The following HERC4 variants were observed in gnomAD, a reference collection of about 807,000 sequenced individuals.
HERC4 encodes probable E3 ubiquitin-protein ligase HERC4.
In HERC4, 28 loss-of-function variants were observed where a neutral mutation model predicts 124.3. The observed-to-expected ratio is 0.23, with a 90% confidence interval of 0.17 to 0.31. The LOEUF is 0.31. Ranked by LOEUF, HERC4 falls within the 10% of genes least tolerant of loss-of-function variation. HERC4 has a pLI of 1.00. For missense variants in HERC4, 713 were observed against 1,229.3 expected (o/e 0.58, Z 6.28); for synonymous variants, 407 against 421.5 (o/e 0.97, Z 0.42).
At chr10:67,951,779 T>C (rs753129307) in intron 19 of HERC4, among the ~76,000 whole-genome samples, 3 of 152,202 alleles carry the variant, frequency 2.0e-5, no homozygotes, top group Non-Finnish European at 4.4e-5. Flanking sequence ...CAACTGACCA[T>C]ATTCCCTGCA....
intron 8 of HERC4, among the ~76,000 whole-genome samples, chr10:68,016,006 G>A (rs969031012): frequency 4.6e-5 from 7 of 152,158 alleles, no homozygotes; most frequent in African/African-American, 1.7e-4. Context: ...AGGAGGCTGA[G>A]GCAGGAGGAT....
intron 8 of HERC4, among the ~76,000 whole-genome samples, chr10:68,015,933 T>C (rs1431887753): frequency 1.3e-5 from 2 of 152,040 alleles, no homozygotes. Flanking sequence ...CAAAACCCTG[T>C]CTCTATTAAA....
intron 9 of HERC4, among the ~76,000 whole-genome samples, chr10:67,995,817 A>T (rs1176659829): frequency 6.6e-6 from 1 of 152,134 alleles, no homozygotes; most frequent in Admixed American, 6.6e-5. Flanking sequence ...TAATTCATTT[A>T]TAGTTTATCT....
At chr10:68,035,298 G>A (rs567038411) in intron 5 of HERC4, among the ~76,000 whole-genome samples, 8 of 151,904 alleles carry the variant, frequency 5.3e-5, no homozygotes, top group Admixed American at 6.6e-5. Context: ...GATTACAGGC[G>A]CGTGCCACCA....
At chr10:68,005,636 G>T (rs2037496662) in intron 9 of HERC4, among the ~76,000 whole-genome samples, 1 of 146,212 alleles carries the variant, frequency 6.8e-6, no homozygotes, top group African/African-American at 2.5e-5. Flanking sequence ...CTTCCTTTTT[G>T]TGAATGTGAC....
At chr10:68,054,991 C>T (rs963238436) in intron 3 of HERC4, among the ~76,000 whole-genome samples, 3 of 152,064 alleles carry the variant, frequency 2.0e-5, no homozygotes, top group Admixed American at 1.3e-4. Flanking sequence ...GGCACGATCT[C>T]GGCTCACTGC....
intron 23 of HERC4, among the ~76,000 whole-genome samples, chr10:67,929,136 G>C (rs1012784160): frequency 1.3e-5 from 2 of 151,910 alleles, no homozygotes; most frequent in Non-Finnish European, 2.9e-5. Flanking sequence ...TTTTGGGAGG[G>C]AGCAGACATG....
chr10:67,972,462 G>A (rs1328507824), intron 15 of HERC4, among the ~76,000 whole-genome samples: 1 of 145,208 alleles, frequency 6.9e-6, no homozygotes, highest in South Asian at 2.2e-4. Context: ...CGGAGGTTGC[G>A]GTGAGCTGAG....
At chr10:67,970,444 T>A (rs1347035688) in intron 15 of HERC4, among the ~76,000 whole-genome samples, 2 of 151,792 alleles carry the variant, frequency 1.3e-5, no homozygotes, top group Admixed American at 1.3e-4. Context: ...ATACAAAAAC[T>A]AGCTGGCCGT....
chr10:68,026,387 T>C (rs933798599), intron 7 of HERC4, among the ~76,000 whole-genome samples: 1 of 148,752 alleles, frequency 6.7e-6, no homozygotes, highest in Non-Finnish European at 1.5e-5. Context: ...TGAGCCACCA[T>C]GCATGGCCTT....
At chr10:68,042,048 GCT>G (rs1425436463) in intron 4 of HERC4, among the ~76,000 whole-genome samples, 3 of 151,784 alleles carry the variant, frequency 2.0e-5, no homozygotes, top group African/African-American at 7.3e-5. Flanking sequence ...ATGGAGTCTC[GCT>G]CTGTCGCTTA....
intron 22 of HERC4, among the ~76,000 whole-genome samples, chr10:67,935,296 C>T (rs1179067964): frequency 6.6e-6 from 1 of 152,008 alleles, no homozygotes. Context: ...CAGGCACATT[C>T]CACCACACCT....
At chr10:67,992,115 T>G (rs1451149002) in intron 11 of HERC4, 84 bp downstream of exon 11, 1 of 1,344,052 alleles carries the variant, frequency 7.4e-7, no homozygotes, top group Non-Finnish European at 1.0e-6. Flanking sequence ...CAGGCTGGTC[T>G]CCAATTCCTG....
rs79362506 is a variant in HERC4 at position 68,020,119 on chromosome 10, C to G, written c.908+5427G>C. Among the ~76,000 whole-genome samples the G allele has an allele frequency of 0.021, 3,256 of 152,242 alleles. 317 individuals are homozygous for G. The East Asian group carries it at 0.31, about 15-fold the overall frequency. On this transcript the variant is annotated intron_variant, in intron 8 of 24. Transcript: ENST00000373700. ...AAAGGTATAGGCTAAGAAAAGACCTCATTTTTATACCTCAGGGTGACTCCT... is the reference window on the plus strand; with the variant it reads ...AAAGGTATAGGCTAAGAAAAGACCTGATTTTTATACCTCAGGGTGACTCCT...
At chr10:68,027,018 AC>A (rs1022479425) in intron 7 of HERC4, among the ~76,000 whole-genome samples, 1 of 152,192 alleles carries the variant, frequency 6.6e-6, no homozygotes, top group Non-Finnish European at 1.5e-5. Flanking sequence ...AAACAAAAAA[AC>A]ATATAATATA....
chr10:67,934,358 T>C (rs1015580592), intron 22 of HERC4, among the ~76,000 whole-genome samples: 1 of 152,230 alleles, frequency 6.6e-6, no homozygotes, highest in African/African-American at 2.4e-5. Context: ...ATCCATTTCC[T>C]CTAGATTCAT....
At chr10:67,936,066 C>A in intron 22 of HERC4, 87 bp downstream of exon 22, 1 of 800,520 alleles carries the variant, frequency 1.2e-6, no homozygotes. Flanking sequence ...GGAGTAAAAG[C>A]TTAGGGTTGT....
At chr10:67,977,951 AG>A (rs996399351) in intron 15 of HERC4, among the ~76,000 whole-genome samples, 4 of 151,674 alleles carry the variant, frequency 2.6e-5, no homozygotes, top group African/African-American at 9.7e-5. Flanking sequence ...ACTGCACTCC[AG>A]CCTGGGCAAT....
chr10:68,066,159 G>C (rs2041293626), intron 3 of HERC4, among the ~76,000 whole-genome samples: 4 of 152,090 alleles, frequency 2.6e-5, no homozygotes, highest in Admixed American at 2.6e-4. Context: ...CCAAGCACTT[G>C]ATATACTTTA....
Sources: gnomAD v4.1 joint callset for allele counts (sites outside exome capture counted in the v4.1 genomes callset) on GRCh38, gnomAD v4.1.1 for gene constraint, MANE v1.5 for transcripts, NCBI Gene and HGNC (gene_info 2026-07-23, HGNC 2026-07-21) for gene names.